Variants in ALG9 observed in about 807,000 individuals in gnomAD.
The protein encoded by ALG9 is alpha-1,2-mannosyltransferase ALG9.
A neutral mutation model predicts 81.8 loss-of-function variants in ALG9; 55 were observed. The ratio of observed to expected loss-of-function variants is 0.67; its 90% CI spans 0.54 to 0.84. The LOEUF (loss-of-function observed/expected upper bound fraction) is 0.84, where lower values mean the gene tolerates loss of function less well. ALG9 is among the 40% of genes least tolerant of loss of function. ALG9 has a pLI of 0.00. For missense variants in ALG9, 629 were observed against 745.0 expected, an observed-to-expected ratio of 0.84 and a Z score of 1.81; for synonymous variants, 278 against 274.3, an observed-to-expected ratio of 1.01 and a Z score of -0.13.
intron 13 of ALG9, chr11:111,829,336 T>C (rs868981521): frequency 2.6e-5 from 4 of 152,164 alleles, no homozygotes; most frequent in Admixed American, 6.5e-5. Context: ...CAACCAGCTG[T>C]CGAAGCTAAA....
chr11:111,799,357 T>C (rs1555078424), intron 14 of ALG9, among the ~76,000 whole-genome samples: 2 of 152,032 alleles, frequency 1.3e-5, no homozygotes, highest in Non-Finnish European at 2.9e-5. Context: ...ATGGCCAGGA[T>C]GGTCTCAATC....
chr11:111,800,284 T>C (rs1438480493), intron 14 of ALG9, among the ~76,000 whole-genome samples: 2 of 151,854 alleles, frequency 1.3e-5, no homozygotes, highest in African/African-American at 4.8e-5. Flanking sequence ...ATTGAGACCA[T>C]CCTGGCTAAC....
rs782071882 is a variant in ALG9, at chr11:111,869,503, C to T, written c.270+729G>A. Reference sequence around the variant, plus strand: ...GCTTCTGGAAAGTAGGATTTGGACACGAGAAGTGGAATAGAAAGCTACTGT... The same window carrying T: ...GCTTCTGGAAAGTAGGATTTGGACATGAGAAGTGGAATAGAAAGCTACTGT... On this transcript the variant is annotated intron_variant, in intron 2 of 14. Coordinates refer to ENST00000616540, the MANE Select transcript of ALG9 (RefSeq NM_024740.2). Among the ~76,000 whole-genome samples, 49 of 151,746 alleles carry T rather than the reference C, an allele frequency of 3.2e-4. No homozygotes were observed. The South Asian group carries it at 3.3e-3, about 10-fold the overall frequency.
intron 3 of ALG9, among the ~76,000 whole-genome samples, chr11:111,866,376 A>G (rs1056889690): frequency 2.0e-5 from 3 of 152,212 alleles, no homozygotes; most frequent in Non-Finnish European, 4.4e-5. Context: ...GAACAGGTCC[A>G]TGAAGAGATA....
In ALG9 at chr11:111,853,386, G is replaced by A. The variant is rs948224471; in HGVS notation, c.889C>T (p.Leu297Phe). 13 of 1,612,762 alleles carry A rather than the reference G, an allele frequency of 8.1e-6. No homozygotes were observed. Among genetic ancestry groups the A allele is most frequent in the Non-Finnish European group, 1.1e-5 (13 of 1,178,972 alleles). Reference protein sequence around the residue: ...YNVFTPHGPDLYGTEPWYFYL... With the variant: ...YNVFTPHGPDFYGTEPWYFYL... Reference sequence around the variant, plus strand: ...AAATTTCACAAAGCCTTACCATAAAGATCAGGTCCATGAGGAGTAAAGACA... The same window carrying A: ...AAATTTCACAAAGCCTTACCATAAAAATCAGGTCCATGAGGAGTAAAGACA... The change falls in exon 8 of 15, where the codon CTT becomes TTT. Residue 297 changes from leucine to phenylalanine, a missense_variant. Physicochemically the swap from Leu to Phe is conservative, Grantham distance 22. Transcript: ENST00000616540.
chr11:111,844,745 G>A, intron 8 of ALG9, 22 bp from the exon 9 acceptor site: 3 of 1,612,402 alleles, frequency 1.9e-6, no homozygotes, highest in Non-Finnish European at 2.5e-6. Flanking sequence ...ATAAAGGTAA[G>A]AAATCATTAG....
At chr11:111,796,654 T>C (rs1245230830) in intron 14 of ALG9, among the ~76,000 whole-genome samples, 1 of 152,172 alleles carries the variant, frequency 6.6e-6, no homozygotes, top group African/African-American at 2.4e-5. Flanking sequence ...CAAGAAAGTA[T>C]TCTGGGAGAA....
chr11:111,790,827 G>GAGGAATC (rs1359726194), intron 14 of ALG9, among the ~76,000 whole-genome samples: 1 of 152,216 alleles, frequency 6.6e-6, no homozygotes, highest in Non-Finnish European at 1.5e-5. Flanking sequence ...AAACACTGAT[G>GAGGAATC]AGGAATCAGG....
chr11:111,847,969 A>C (rs891110955), intron 8 of ALG9, among the ~76,000 whole-genome samples: 2 of 152,190 alleles, frequency 1.3e-5, no homozygotes, highest in Non-Finnish European at 2.9e-5. Context: ...TGCTTTAGTA[A>C]GCTTATTCTC....
rs528271853 is a variant in ALG9 at position 111,792,888 on chromosome 11, C to G, written c.1734-6368G>C. On this transcript the variant is annotated intron_variant, in intron 14 of 14. Coordinates refer to ENST00000616540, the MANE Select transcript of ALG9 (RefSeq NM_024740.2). The stretch of plus-strand genomic sequence containing the variant: ...CATTATCTATCTATATCACACAAAG[C>G]CACTAACTAATTTCTTCCAGAAGAT... 2.0e-5 allele frequency among the ~76,000 whole-genome samples: 3 copies of G among 152,320 alleles called. No homozygotes were observed. The South Asian group carries it at 6.2e-4, about 32-fold the overall frequency.
At chr11:111,819,531 C>G (rs1165215185) in intron 13 of ALG9, among the ~76,000 whole-genome samples, 1 of 152,216 alleles carries the variant, frequency 6.6e-6, no homozygotes, top group Non-Finnish European at 1.5e-5. Flanking sequence ...AACTCCTAGG[C>G]AAGTGGGAGG....
At chr11:111,787,142 T>C (rs1946591509) in intron 14 of ALG9, among the ~76,000 whole-genome samples, 1 of 152,296 alleles carries the variant, frequency 6.6e-6, no homozygotes, top group African/African-American at 2.4e-5. Flanking sequence ...CTTTTAAATA[T>C]ATTATCGGCC....
rs1180891260 is a variant in ALG9, at chr11:111,870,732, C to A, written c.132-362G>T. On this transcript the variant is annotated intron_variant, in intron 1 of 14. Transcript: ENST00000616540. Reference sequence around the variant, plus strand: ...TTAACTCATACACTTTAGCTCAATGCATTTATGTCACTCCATTTATCCCAA... The same window carrying A: ...TTAACTCATACACTTTAGCTCAATGAATTTATGTCACTCCATTTATCCCAA... The A allele has an allele frequency of 2.9e-6, 3 of 1,019,516 alleles. No homozygotes were observed. In the East Asian group the frequency reaches 3.1e-4, roughly 105 times the overall value. The allele number at this position is 1,019,516 out of a possible 1,614,324, so 63.2% of individuals were successfully genotyped here.
chr11:111,808,217 A>G (rs1320587946), intron 14 of ALG9, among the ~76,000 whole-genome samples: 2 of 152,200 alleles, frequency 1.3e-5, no homozygotes, highest in African/African-American at 4.8e-5. Flanking sequence ...AAGAGCCTAC[A>G]TTTGAGAATC....
At chr11:111,803,840 G>C (rs1404346496) in intron 14 of ALG9, among the ~76,000 whole-genome samples, 1 of 151,954 alleles carries the variant, frequency 6.6e-6, no homozygotes, top group Non-Finnish European at 1.5e-5. Context: ...AATGTAAAAA[G>C]TAAAAGTATA....
At chr11:111,837,015 T>C (rs1441997382) in intron 12 of ALG9, among the ~76,000 whole-genome samples, 10 of 152,240 alleles carry the variant, frequency 6.6e-5, no homozygotes, top group Admixed American at 5.9e-4. Context: ...GAAACTGGTA[T>C]AGACATTTTA....
At chr11:111,833,762 G>C (rs1240003335) in intron 13 of ALG9, among the ~76,000 whole-genome samples, 1 of 152,188 alleles carries the variant, frequency 6.6e-6, no homozygotes, top group Non-Finnish European at 1.5e-5. Flanking sequence ...CCAGCATTTT[G>C]GTGACTCCTA....
chr11:111,827,339 G>A (rs1953501646), intron 13 of ALG9, among the ~76,000 whole-genome samples: 1 of 152,020 alleles, frequency 6.6e-6, no homozygotes, highest in African/African-American at 2.4e-5. Flanking sequence ...AGCCAGGCGG[G>A]GTGGCGCATG....
chr11:111,769,951 C>T, the ALG9 span, among the ~76,000 whole-genome samples: 7 of 152,228 alleles, frequency 4.6e-5, no homozygotes, highest in Non-Finnish European at 8.8e-5. Context: ...TCATCATGAC[C>T]TACCTCTCCC....
Sources: gnomAD v4.1 joint callset for allele counts (sites outside exome capture counted in the v4.1 genomes callset) on GRCh38, gnomAD v4.1.1 for gene constraint, MANE v1.5 for transcripts, NCBI Gene and HGNC (gene_info 2026-07-23, HGNC 2026-07-21) for gene names.